ASB3: variants seen among roughly 807,000 people sequenced by gnomAD.
ASB3 encodes the protein ankyrin repeat and SOCS box protein 3.
In ASB3, 41 loss-of-function variants were observed where a neutral mutation model predicts 54.5. The observed-to-expected ratio is 0.75, with a 90% CI of 0.59 to 0.98. The LOEUF (loss-of-function observed/expected upper bound fraction) is 0.98, where lower values mean the gene tolerates loss of function less well. ASB3 is among the 50% of genes least tolerant of loss of function. The pLI, the probability that ASB3 is intolerant of heterozygous loss-of-function variation, is 0.00. For synonymous variants in ASB3, 266 were observed against 221.2 expected (o/e 1.20, Z -1.80); for missense variants, 733 against 620.0 (o/e 1.18, Z -1.94).
At chr2:53,726,193 C>A (rs374155555) in intron 5 of ASB3, among the ~76,000 whole-genome samples, 2 of 150,786 alleles carry the variant, frequency 1.3e-5, no homozygotes, top group South Asian at 4.2e-4. Context: ...GAGCTCCAGG[C>A]GACAAGAAAA....
At chr2:53,739,526 T>C (rs1189743857) in intron 3 of ASB3, among the ~76,000 whole-genome samples, 4 of 152,210 alleles carry the variant, frequency 2.6e-5, no homozygotes, top group Non-Finnish European at 5.9e-5. Context: ...AATGCTCTTT[T>C]AGAAAAATGC....
chr2:53,708,750 AC>A (rs1669930223), intron 7 of ASB3, among the ~76,000 whole-genome samples: 2 of 152,294 alleles, frequency 1.3e-5, no homozygotes, highest in East Asian at 1.9e-4. Context: ...TTAGCAAAGA[AC>A]CTGAATGCAC....
chr2:53,720,034 C>T (rs186947039), intron 5 of ASB3, among the ~76,000 whole-genome samples: 25 of 152,164 alleles, frequency 1.6e-4, no homozygotes, highest in African/African-American at 5.5e-4. Context: ...AAGGAATTTC[C>T]CTGTGGACGA....
intron 2 of ASB3, among the ~76,000 whole-genome samples, chr2:53,756,424 T>G (rs181695957): frequency 8.5e-5 from 13 of 152,334 alleles, no homozygotes; most frequent in South Asian, 2.1e-4. Context: ...TCTATAAATA[T>G]TTTAACTTGG....
chr2:53,748,479 A>G (rs1018373542), intron 3 of ASB3: 3 of 152,224 alleles, frequency 2.0e-5, no homozygotes, highest in African/African-American at 7.2e-5. Context: ...CATTAAACCA[A>G]AGCTTCCATG....
At chr2:53,727,568 T>A (rs1158302435) in intron 5 of ASB3, among the ~76,000 whole-genome samples, 1 of 152,142 alleles carries the variant, frequency 6.6e-6, no homozygotes, top group Non-Finnish European at 1.5e-5. Flanking sequence ...GTCAGGAGTT[T>A]AAGGTTACAA....
chr2:53,747,140 T>C (rs189835516), intron 3 of ASB3, among the ~76,000 whole-genome samples: 347 of 152,036 alleles, frequency 2.3e-3, no homozygotes, highest in Non-Finnish European at 3.9e-3. Flanking sequence ...AATGGGACTC[T>C]AATAATAATA....
chr2:53,707,663 A>G (rs1296933435), intron 7 of ASB3, among the ~76,000 whole-genome samples: 2 of 147,034 alleles, frequency 1.4e-5, no homozygotes, highest in Non-Finnish European at 3.0e-5. Flanking sequence ...AAAAAAAAAG[A>G]AAGAAATGCA....
At chr2:53,732,031 T>C (rs1671347504) in intron 3 of ASB3, among the ~76,000 whole-genome samples, 1 of 151,966 alleles carries the variant, frequency 6.6e-6, no homozygotes, top group South Asian at 2.1e-4. Flanking sequence ...AAACTCGGCT[T>C]ACTGCAACCT....
At chr2:53,755,985 C>A (rs576495110) in intron 2 of ASB3, among the ~76,000 whole-genome samples, 7 of 151,408 alleles carry the variant, frequency 4.6e-5, no homozygotes, top group Admixed American at 2.6e-4. Flanking sequence ...AGACCCCCCC[C>A]CCACCTCTAC....
rs554093959 is a variant in ASB3 at position 53,756,244 on chromosome 2, C to T, written c.197-5303G>A. ...CCAAAGGGAAATCCTGCCTGTCTAA[C>T]GACATCATTCTAATAGTAGAATCCA... On this transcript the variant is annotated intron_variant, in intron 2 of 9. Transcript: ENST00000263634. Among the ~76,000 whole-genome samples the T allele has an allele frequency of 6.6e-4, 101 of 152,170 alleles. 1 individual carries two copies. The highest frequency in any genetic ancestry group is 2.2e-3 in the African/African-American group (93 of 41,506).
chr2:53,681,815 T>C (rs1668385946), intron 9 of ASB3, among the ~76,000 whole-genome samples: 1 of 152,152 alleles, frequency 6.6e-6, no homozygotes, highest in Non-Finnish European at 1.5e-5. Flanking sequence ...TTTGTTCTTT[T>C]TGCTCAGGAT....
intron 3 of ASB3, among the ~76,000 whole-genome samples, chr2:53,748,791 G>A (rs1672364990): frequency 1.3e-5 from 2 of 152,068 alleles, no homozygotes. Context: ...AAGTGATCTT[G>A]GATTCATCAC....
At position 53,693,866 on chromosome 2, in the gene ASB3, A is replaced by G. The variant is rs1464956612; in HGVS notation, c.1369+18T>C. ...AAGGAAAAGTAGTGAAGTGTGTTTA[A>G]AAGTTATTCTTTCTTACCAATATGT... On this transcript the variant is annotated intron_variant, in intron 9 of 9. Transcript: ENST00000263634. The G allele has an allele frequency of 6.2e-7, 1 of 1,611,364 alleles. No individual in the cohort carries two copies. Among genetic ancestry groups the G allele is most frequent in the Non-Finnish European group, 8.5e-7 (1 of 1,178,550 alleles).
chr2:53,753,781 C>A (rs1055981962), intron 2 of ASB3, among the ~76,000 whole-genome samples: 1 of 151,646 alleles, frequency 6.6e-6, no homozygotes, highest in African/African-American at 2.4e-5. Context: ...GGATTATAGG[C>A]GCACCACCAC....
At chr2:53,704,144 T>G (rs1669639971) in intron 7 of ASB3, among the ~76,000 whole-genome samples, 1 of 152,024 alleles carries the variant, frequency 6.6e-6, no homozygotes, top group Non-Finnish European at 1.5e-5. Context: ...ACAGATCACT[T>G]GAGGCCAGGA....
chr2:53,673,178 G>C (rs2103622876), intron 9 of ASB3, among the ~76,000 whole-genome samples: 1 of 152,266 alleles, frequency 6.6e-6, no homozygotes, highest in South Asian at 2.1e-4. Context: ...TTTTTAAAGA[G>C]AATTTCTACT....
At chr2:53,697,124 G>A (rs1669225282) in intron 8 of ASB3, among the ~76,000 whole-genome samples, 1 of 152,130 alleles carries the variant, frequency 6.6e-6, no homozygotes, top group Non-Finnish European at 1.5e-5. Context: ...AGTGACCTCT[G>A]GTCATCCTCA....
chr2:53,728,848 C>A lies in ASB3; in HGVS notation c.469-1G>T. 6.3e-7 allele frequency: 1 copy of A among 1,592,342 alleles called. No individual in the cohort carries two copies. The highest frequency in any genetic ancestry group is 1.1e-5 in the South Asian group (1 of 87,124). ...GCAATTTTATGATCTCAGCATTTTC[C>A]TAAAGCACAGATTCACATTTTAAAT... On this transcript the variant is annotated splice_acceptor_variant, in intron 4 of 9. Coordinates refer to ENST00000263634, the MANE Select transcript of ASB3 (RefSeq NM_016115.5). LOFTEE classifies it high-confidence loss of function.
Sources: gnomAD v4.1 joint callset for allele counts (sites outside exome capture counted in the v4.1 genomes callset) on GRCh38, gnomAD v4.1.1 for gene constraint, MANE v1.5 for transcripts, NCBI Gene and HGNC (gene_info 2026-07-23, HGNC 2026-07-21) for gene names.